Variants in GREB1 observed in about 807,000 individuals in gnomAD.
GREB1 encodes protein GREB1.
Under a neutral mutation model 200.7 loss-of-function variants are expected in GREB1, and 106 were observed. The observed-to-expected ratio is 0.53, with a 90% CI of 0.45 to 0.62. The LOEUF (loss-of-function observed/expected upper bound fraction) is 0.62, where lower values mean the gene tolerates loss of function less well. Ranked by LOEUF, GREB1 falls within the 20% of genes least tolerant of loss-of-function variation. The probability of loss-of-function intolerance (pLI) is 0.00; values close to 1 mark genes in which losing one functional copy is unlikely to be tolerated. For missense variants in GREB1, 2,243 were observed against 2,556.8 expected (o/e 0.88, Z 2.65); for synonymous variants, 1,132 against 1,092.4 (o/e 1.04, Z -0.72).
At chr2:11,543,628 C>T (rs946890527) in intron 1 of GREB1, among the ~76,000 whole-genome samples, 1 of 152,180 alleles carries the variant, frequency 6.6e-6, no homozygotes, top group Admixed American at 6.5e-5. Context: ...GAACACTTTG[C>T]AAAGCCCAAG....
At chr2:11,552,562 C>T (rs1292496410) in intron 1 of GREB1, among the ~76,000 whole-genome samples, 1 of 152,194 alleles carries the variant, frequency 6.6e-6, no homozygotes, top group Non-Finnish European at 1.5e-5. Flanking sequence ...TCAGAGAGCT[C>T]CAGATGTACC....
chr2:11,542,628 C>CG (rs60551961), intron 1 of GREB1: 89,358 of 129,676 alleles, frequency 0.69, 29,661 homozygotes, highest in South Asian at 0.83. Context: ...AGTGCTGGGG[C>CG]GGGGGGAGGG....
chr2:11,602,853 A>T (rs1681907885), intron 17 of GREB1, among the ~76,000 whole-genome samples: 1 of 152,186 alleles, frequency 6.6e-6, no homozygotes, highest in Admixed American at 6.5e-5. Flanking sequence ...AAAGCTTTAA[A>T]AGAAACTGGA....
At chr2:11,504,735 A>G (rs890626497) in intron 1 of GREB1, among the ~76,000 whole-genome samples, 5 of 152,170 alleles carry the variant, frequency 3.3e-5, no homozygotes, top group Non-Finnish European at 5.9e-5. Flanking sequence ...GATAGATCAC[A>G]TTTTGTTTAT....
intron 23 of GREB1, among the ~76,000 whole-genome samples, 196 bp downstream of exon 23, chr2:11,621,203 TATG>T (rs1683986933): frequency 7.0e-6 from 1 of 142,242 alleles, no homozygotes; most frequent in Admixed American, 6.9e-5. Context: ...GTGATACAAT[TATG>T]ATTATTAGCT....
At chr2:11,505,376 A>T (rs1673157384) in intron 1 of GREB1, among the ~76,000 whole-genome samples, 1 of 152,042 alleles carries the variant, frequency 6.6e-6, no homozygotes. Context: ...ACATTCTGTC[A>T]TGGTGCCTGC....
chr2:11,592,758 G>C lies in GREB1; in HGVS notation c.1346-18G>C. The C allele has an allele frequency of 1.4e-6, 2 of 1,459,156 alleles. No homozygotes were observed. Among genetic ancestry groups the C allele is most frequent in the Admixed American group, 5.4e-5 (2 of 37,024 alleles). 90.4% of individuals were successfully genotyped at this position (1,459,156 alleles called of 1,614,324 possible). A position where few individuals can be genotyped will look rare whatever the true frequency, so the allele number is the denominator to read the frequency against. On this transcript the variant is annotated intron_variant, in intron 10 of 32. Transcript: ENST00000381486. ...CGCTGGCATTTGTGGCAGGCCCTCC[G>C]CCCGCATTGTGTTGCAGCCGCGGAC...
At chr2:11,504,901 G>A (rs1250649904) in intron 1 of GREB1, among the ~76,000 whole-genome samples, 2 of 152,296 alleles carry the variant, frequency 1.3e-5, no homozygotes, top group Non-Finnish European at 2.9e-5. Context: ...CAACTGCCTT[G>A]CAAGATAGGT....
At chr2:11,560,864 C>T (rs58950938) in intron 2 of GREB1, among the ~76,000 whole-genome samples, 3,779 of 152,268 alleles carry the variant, frequency 0.025, 182 homozygotes, top group African/African-American at 0.085. Flanking sequence ...GTCTAACTTA[C>T]AAGAAGTTGG....
chr2:11,555,931 G>C lies in GREB1; in HGVS notation c.-161-523G>C, dbSNP rs573825567. ...TCACAGTGGTTCTCTGTGATTTTTGGGGGGATAGAAAATAAATCTCTTGGG... is the reference window on the plus strand; with the variant it reads ...TCACAGTGGTTCTCTGTGATTTTTGCGGGGATAGAAAATAAATCTCTTGGG... On this transcript the variant is annotated intron_variant, in intron 1 of 32. Coordinates refer to ENST00000381486, the MANE Select transcript of GREB1 (RefSeq NM_014668.4). Among the ~76,000 whole-genome samples, 4 of 152,226 alleles carry C rather than the reference G, an allele frequency of 2.6e-5. No homozygotes were observed. The South Asian group carries it at 8.3e-4, about 32-fold the overall frequency.
intron 24 of GREB1, 62 bp from the exon 25 acceptor site, chr2:11,626,900 A>G: frequency 6.4e-7 from 1 of 1,566,636 alleles, no homozygotes; most frequent in Admixed American, 1.7e-5. Flanking sequence ...CTGTTTGAGC[A>G]GGCAGGGGAT....
Position 11,606,048 on chromosome 2 carries a change from T to C in GREB1, c.2666+3506T>C, listed in dbSNP as rs143356456. Among the ~76,000 whole-genome samples, 397 of 152,324 alleles carry C rather than the reference T, an allele frequency of 2.6e-3. 6 individuals carry two copies. Among genetic ancestry groups the C allele is most frequent in the Admixed American group, 0.024 (367 of 15,308 alleles). On this transcript the variant is annotated intron_variant, in intron 17 of 32. Transcript: ENST00000381486. Reference sequence around the variant, plus strand: ...GCCAAATTGTTTTCCAAAGCGTAGCTGTCCCTTGGTATACACGGGGGGTTA... The same window carrying C: ...GCCAAATTGTTTTCCAAAGCGTAGCCGTCCCTTGGTATACACGGGGGGTTA...
Position 11,633,179 on chromosome 2 carries a change from A to G in GREB1, c.4991+116A>G. 1.0e-6 allele frequency: 1 copy of G among 993,726 alleles called. No homozygotes were observed. The highest frequency in any genetic ancestry group is 2.4e-5 in the East Asian group (1 of 41,294). 61.6% of individuals were successfully genotyped at this position (993,726 alleles called of 1,614,324 possible). On this transcript the variant is annotated intron_variant, in intron 28 of 32. Transcript: ENST00000381486. The surrounding 1 kb of genome is among the most constrained non-coding windows in gnomAD (Gnocchi z 4.1). ...GGAAGACCGGAGGGCCTCTCATAGT[A>G]GAAGGGGTGGTTGTGGTTGTGGTTC...
chr2:11,509,349 CAT>C (rs1173557942), intron 1 of GREB1, among the ~76,000 whole-genome samples: 4 of 152,082 alleles, frequency 2.6e-5, no homozygotes, highest in African/African-American at 9.7e-5. Flanking sequence ...AAATTAGCAA[CAT>C]GTGGGCGATT....
Position 11,618,575 on chromosome 2 carries a change from G to A in GREB1, c.3700G>A (p.Ala1234Thr). The change falls in exon 22 of 33, where the codon GCG (alanine) becomes ACG (threonine). Residue 1234 changes from alanine (A) to threonine (T), a missense_variant. Ala to Thr is a moderately conservative substitution (Grantham distance 58). Coordinates refer to ENST00000381486, the MANE Select transcript of GREB1 (RefSeq NM_014668.4). ...SSSGSSSSSV[A>T]PAAGTWVLQA... ...CTCGGGCTCATCCTCCTCATCCGTG[G>A]CGCCCGCTGCCGGCACGTGGGTCCT... 1.2e-6 allele frequency: 2 copies of A among 1,612,976 alleles called. No homozygotes were observed. The highest frequency in any genetic ancestry group is 1.7e-6 in the Non-Finnish European group (2 of 1,179,890).
At chr2:11,551,868 A>C (rs1675883264) in intron 1 of GREB1, among the ~76,000 whole-genome samples, 1 of 152,124 alleles carries the variant, frequency 6.6e-6, no homozygotes, top group Non-Finnish European at 1.5e-5. Context: ...CCAAGTTCTC[A>C]CTGATTTCTC....
intron 1 of GREB1, among the ~76,000 whole-genome samples, chr2:11,521,579 T>G (rs934920764): frequency 6.6e-6 from 1 of 152,222 alleles, no homozygotes; most frequent in Non-Finnish European, 1.5e-5. Flanking sequence ...TGCTATAAAC[T>G]CGGCTGTTTC....
In GREB1 at chr2:11,600,806, T is replaced by C. The variant is rs760817434; in HGVS notation, c.2340T>C (p.Thr780=). ...DHAHWDLVSS[T]VHNLYSQSDP... ...GTGTCTTCTCCTCCCTCAGTAGCAC[T>C]GTTCATAACCTCTATTCTCAAAGTG... The change falls in exon 16 of 33, where the codon ACT becomes ACC. Residue 780 remains threonine (T), a synonymous_variant. Coordinates refer to ENST00000381486, the MANE Select transcript of GREB1 (RefSeq NM_014668.4). 3 of 1,613,362 alleles carry C rather than the reference T, an allele frequency of 1.9e-6. No individual in the cohort carries two copies. The highest frequency in any genetic ancestry group is 2.5e-6 in the Non-Finnish European group (3 of 1,179,252).
intron 9 of GREB1, chr2:11,588,139 G>C (rs1680357446): frequency 2.3e-6 from 1 of 425,594 alleles, no homozygotes; most frequent in African/African-American, 2.1e-5. Flanking sequence ...TGAGGTGGGA[G>C]AATCACTTGA....
Sources: allele counts gnomAD v4.1 joint callset (sites outside exome capture counted in the v4.1 genomes callset), GRCh38; gene constraint gnomAD v4.1.1; non-coding constraint Gnocchi (gnomAD v3.1); transcripts MANE v1.5; gene names NCBI Gene and HGNC (gene_info 2026-07-23, HGNC 2026-07-21).